The following ZFHX3 variants were observed in gnomAD, a reference collection of about 807,000 sequenced individuals.
ZFHX3 encodes zinc finger homeobox 3, also known as zinc finger homeobox protein 3.
ZFHX3 carries 42 observed loss-of-function variants against 279.1 expected under a neutral mutation model. The ratio of observed to expected loss-of-function variants is 0.15; its 90% CI spans 0.12 to 0.19. The LOEUF is 0.19. ZFHX3 is among the 10% of genes least tolerant of loss of function. ZFHX3 has a pLI of 1.00. For missense variants in ZFHX3, 4,981 were observed against 4,754.0 expected (o/e 1.05, Z -1.40); for synonymous variants, 2,293 against 1,957.8 (o/e 1.17, Z -4.52).
rs376176988 is a variant in ZFHX3 at position 72,788,426 on chromosome 16, C to G, written c.9850G>C (p.Asp3284His). The G allele has an allele frequency of 1.9e-6, 3 of 1,614,122 alleles. No individual in the cohort carries two copies. The highest frequency in any genetic ancestry group is 2.5e-6 in the Non-Finnish European group (3 of 1,180,052). The change falls in exon 10 of 10, where the codon GAC becomes CAC. Residue 3284 changes from aspartate (D) to histidine (H), a missense_variant. Physicochemically the swap from Asp to His is moderately conservative, Grantham distance 81. Transcript: ENST00000268489. ...APLPTMEYAV[D>H]PAQLQALQAA... ...TGCAGGGCCTGCAGCTGTGCAGGGT[C>G]TACCGCATACTCCATGGTGGGCAGC...
At chr16:73,630,261 G>T (rs150301845) in intron 2 of ZFHX3, among the ~76,000 whole-genome samples, 354 of 130,606 alleles carry the variant, frequency 2.7e-3, no homozygotes, top group African/African-American at 8.4e-3. Flanking sequence ...CTCCAAAAAG[G>T]CCCTTTAGAG....
At chr16:72,801,375 C>T (rs2036093695) in intron 7 of ZFHX3, among the ~76,000 whole-genome samples, 1 of 152,144 alleles carries the variant, frequency 6.6e-6, no homozygotes, top group South Asian at 2.1e-4. Flanking sequence ...ATTTTAAATA[C>T]ATTACTATTA....
intron 2 of ZFHX3, among the ~76,000 whole-genome samples, chr16:73,532,220 G>A (rs534483578): frequency 6.6e-6 from 1 of 152,246 alleles, no homozygotes; most frequent in African/African-American, 2.4e-5. Context: ...CCCAGGGGGA[G>A]ATAATTGAAT....
At chr16:73,240,242 A>G (rs185616824) in intron 5 of ZFHX3, among the ~76,000 whole-genome samples, 8 of 149,822 alleles carry the variant, frequency 5.3e-5, no homozygotes, top group Admixed American at 4.0e-4. Context: ...TTTTTTTGAG[A>G]CAGTCTTGCT....
chr16:73,761,913 A>G (rs971904630), intron 1 of ZFHX3, among the ~76,000 whole-genome samples: 3 of 152,216 alleles, frequency 2.0e-5, no homozygotes, highest in Non-Finnish European at 4.4e-5. Context: ...CATTCAGGAC[A>G]TAGGCACGGG....
chr16:73,293,889 T>G (rs1393942586), intron 4 of ZFHX3: 1 of 151,278 alleles, frequency 6.6e-6, no homozygotes, highest in Non-Finnish European at 1.5e-5. Context: ...TGGCAAGAAC[T>G]TCCATTGTAC....
At chr16:73,860,536 A>T (rs1366188329) in intron 1 of ZFHX3, among the ~76,000 whole-genome samples, 6 of 152,224 alleles carry the variant, frequency 3.9e-5, no homozygotes. Context: ...TTTTCAATAC[A>T]AATGCATCAC....
intron 1 of ZFHX3, among the ~76,000 whole-genome samples, chr16:73,767,633 A>G (rs1276984734): frequency 2.6e-5 from 4 of 152,196 alleles, no homozygotes; most frequent in Non-Finnish European, 5.9e-5. Context: ...AGAGAAATAT[A>G]TTACATAGTT....
chr16:72,890,550 G>A (rs1015093849), intron 3 of ZFHX3, among the ~76,000 whole-genome samples: 10 of 149,120 alleles, frequency 6.7e-5, no homozygotes, highest in Admixed American at 4.0e-4. Flanking sequence ...GCAGTTCTTT[G>A]AAAAAACACA....
chr16:72,953,124 A>G (rs755067699), intron 2 of ZFHX3, among the ~76,000 whole-genome samples: 2 of 152,190 alleles, frequency 1.3e-5, no homozygotes, highest in Admixed American at 6.5e-5. Context: ...GCAGACCAGC[A>G]GCTGCGTTTG....
At chr16:73,868,632 G>A (rs932746236) in intron 1 of ZFHX3, among the ~76,000 whole-genome samples, 5 of 152,116 alleles carry the variant, frequency 3.3e-5, no homozygotes, top group South Asian at 2.1e-4. Context: ...CCATGTGAAC[G>A]CAAAACTTAC....
intron 2 of ZFHX3, among the ~76,000 whole-genome samples, chr16:73,522,076 T>C (rs150376929): frequency 8.3e-4 from 127 of 152,328 alleles, no homozygotes; most frequent in African/African-American, 2.7e-3. Flanking sequence ...ACTTAATGAA[T>C]ATAGGAAAGA....
intron 3 of ZFHX3, among the ~76,000 whole-genome samples, chr16:73,333,930 A>G (rs1051634676): frequency 6.6e-6 from 1 of 151,998 alleles, no homozygotes; most frequent in African/African-American, 2.4e-5. Flanking sequence ...TCCTGCTGCC[A>G]ATGCAGGTGG....
intron 2 of ZFHX3, among the ~76,000 whole-genome samples, chr16:73,662,749 A>G (rs1343101594): frequency 6.6e-6 from 1 of 152,220 alleles, no homozygotes; most frequent in African/African-American, 2.4e-5. Context: ...GCGAAAATTC[A>G]AAGGCAATTT....
intron 3 of ZFHX3, among the ~76,000 whole-genome samples, chr16:73,393,928 TAA>T (rs557164190): frequency 1.7e-3 from 256 of 147,102 alleles, no homozygotes; most frequent in Non-Finnish European, 2.9e-3. Flanking sequence ...ATGATATATA[TAA>T]GATATATATA....
At chr16:73,731,644 G>C (rs541909366) in intron 1 of ZFHX3, among the ~76,000 whole-genome samples, 2 of 37,316 alleles carry the variant, frequency 5.4e-5, no homozygotes, top group East Asian at 1.7e-3. Flanking sequence ...ATGATGTTCG[G>C]GGTGAAAAAA....
chr16:72,997,216 C>G (rs1963328747), intron 1 of ZFHX3, among the ~76,000 whole-genome samples: 2 of 152,166 alleles, frequency 1.3e-5, no homozygotes, highest in African/African-American at 4.8e-5. Flanking sequence ...GGGGTAAGAT[C>G]TGTCTTGCAT....
rs768134461 is a variant in ZFHX3, at chr16:72,957,813, GCCA to G, written c.2330_2332del (p.Val777del). 2.8e-4 allele frequency: 419 copies of G among 1,505,714 alleles called. No homozygotes were observed. The highest frequency in any genetic ancestry group is 7.6e-4 in the South Asian group (65 of 85,076). 93.3% of individuals were successfully genotyped at this position (1,505,714 alleles called of 1,614,324 possible). On this transcript the variant is annotated inframe_deletion, in exon 2 of 10. Transcript: ENST00000268489. ...GATATTGGCTGCCGCCGCCGCCGCA[GCCA>G]CCGCCGCCGCCGCCGCCCCGGCAGT...
chr16:73,432,724 A>C (rs2017930125), intron 3 of ZFHX3, among the ~76,000 whole-genome samples: 2 of 152,224 alleles, frequency 1.3e-5, no homozygotes, highest in South Asian at 4.1e-4. Context: ...TCAGGGACTG[A>C]GCAGCAGAAA....
Sources: gnomAD v4.1 joint callset for allele counts (sites outside exome capture counted in the v4.1 genomes callset) on GRCh38, gnomAD v4.1.1 for gene constraint, MANE v1.5 for transcripts, NCBI Gene and HGNC (gene_info 2026-07-23, HGNC 2026-07-21) for gene names.